DLG2: variants seen among roughly 807,000 people sequenced by gnomAD.
DLG2 encodes the protein disks large homolog 2.
Under a neutral mutation model 132.5 loss-of-function variants are expected in DLG2, and 45 were observed. That is an observed-to-expected ratio of 0.34 (90% CI 0.27 to 0.44). The LOEUF (loss-of-function observed/expected upper bound fraction) is 0.44. DLG2 is among the 20% of genes least tolerant of loss of function. The probability of loss-of-function intolerance (pLI) is 1.00; values close to 1 mark genes in which losing one functional copy is unlikely to be tolerated. For synonymous variants in DLG2, 424 were observed against 419.6 expected (o/e 1.01, Z -0.13); for missense variants, 1,045 against 1,196.9 (o/e 0.87, Z 1.87).
intron 6 of DLG2, among the ~76,000 whole-genome samples, chr11:84,681,770 G>T (rs2099730669): frequency 6.6e-6 from 1 of 151,638 alleles, no homozygotes; most frequent in Non-Finnish European, 1.5e-5. Flanking sequence ...CTCAGTGATT[G>T]TTGCTGCTCA....
intron 6 of DLG2, among the ~76,000 whole-genome samples, chr11:84,567,220 A>G (rs1408381038): frequency 6.6e-6 from 1 of 152,156 alleles, no homozygotes; most frequent in African/African-American, 2.4e-5. Flanking sequence ...GAAGGTATTG[A>G]ATGTCTGGTT....
chr11:85,194,905 G>A (rs779559013), intron 4 of DLG2, among the ~76,000 whole-genome samples: 8 of 152,160 alleles, frequency 5.3e-5, no homozygotes, highest in Non-Finnish European at 1.2e-4. Context: ...TGTAAGCATT[G>A]GGATGCAGCT....
chr11:85,191,386 C>T (rs559533741), intron 4 of DLG2, among the ~76,000 whole-genome samples: 1 of 152,074 alleles, frequency 6.6e-6, no homozygotes, highest in African/African-American at 2.4e-5. Context: ...ACACACCACA[C>T]CCCCACCAAC....
chr11:84,526,951 T>A (rs2099322893), intron 7 of DLG2, among the ~76,000 whole-genome samples: 1 of 152,128 alleles, frequency 6.6e-6, no homozygotes, highest in Non-Finnish European at 1.5e-5. Context: ...GCTAATTTTT[T>A]GTATTTTTAG....
At chr11:84,596,623 A>T (rs2099559218) in intron 6 of DLG2, among the ~76,000 whole-genome samples, 1 of 152,040 alleles carries the variant, frequency 6.6e-6, no homozygotes, top group South Asian at 2.1e-4. Flanking sequence ...CTCTAGATGG[A>T]CTATGCAGCA....
intron 22 of DLG2, among the ~76,000 whole-genome samples, chr11:83,473,468 C>T (rs2092302519): frequency 6.6e-6 from 1 of 152,116 alleles, no homozygotes; most frequent in Non-Finnish European, 1.5e-5. Context: ...TCAGGGTGGA[C>T]CTCAAGTCAA....
At chr11:84,456,581 A>C (rs1014452873) in intron 7 of DLG2, among the ~76,000 whole-genome samples, 1 of 151,280 alleles carries the variant, frequency 6.6e-6, no homozygotes, top group African/African-American at 2.4e-5. Context: ...CTCAGGTCTC[A>C]TTCTTTGCTC....
At chr11:84,203,808 G>C (rs1372512606) in intron 8 of DLG2, among the ~76,000 whole-genome samples, 1 of 152,102 alleles carries the variant, frequency 6.6e-6, no homozygotes, top group Admixed American at 6.6e-5. Context: ...AATGCCTCAG[G>C]AAGAACAGCT....
chr11:85,173,701 C>T (rs779840763), intron 4 of DLG2, among the ~76,000 whole-genome samples: 3 of 151,970 alleles, frequency 2.0e-5, no homozygotes, highest in Non-Finnish European at 2.9e-5. Flanking sequence ...GAGTCAAGAC[C>T]CATTGGCGTG....
intron 6 of DLG2, among the ~76,000 whole-genome samples, chr11:84,586,401 C>T (rs1367662477): frequency 6.6e-6 from 1 of 152,020 alleles, no homozygotes; most frequent in Non-Finnish European, 1.5e-5. Flanking sequence ...TTTTATTTAG[C>T]ATTTGCCTAG....
At chr11:83,903,553 T>C (rs2074010958) in intron 15 of DLG2, among the ~76,000 whole-genome samples, 1 of 152,182 alleles carries the variant, frequency 6.6e-6, no homozygotes, top group Non-Finnish European at 1.5e-5. Flanking sequence ...TTGAAATTTA[T>C]TGTAAACCTT....
chr11:85,400,542 A>T (rs2087955180), intron 3 of DLG2, among the ~76,000 whole-genome samples: 1 of 149,556 alleles, frequency 6.7e-6, no homozygotes, highest in Admixed American at 6.7e-5. Flanking sequence ...CAAATGTCCG[A>T]CAATGATAGA....
intron 6 of DLG2, among the ~76,000 whole-genome samples, chr11:84,972,483 T>C (rs1220444366): frequency 6.6e-6 from 1 of 152,228 alleles, no homozygotes. Flanking sequence ...TTCTTTGCTT[T>C]GTGGTAATTT....
At chr11:83,726,747 GAAAACAAAC>G (rs987981635) in intron 18 of DLG2, among the ~76,000 whole-genome samples, 4 of 135,802 alleles carry the variant, frequency 2.9e-5, no homozygotes, top group Non-Finnish European at 4.7e-5. Flanking sequence ...AGATCTGCCT[GAAAACAAAC>G]AAACAAACAA....
chr11:83,560,786 C>A (rs1186529515), intron 19 of DLG2, among the ~76,000 whole-genome samples: 5 of 152,070 alleles, frequency 3.3e-5, no homozygotes, highest in African/African-American at 1.2e-4. Flanking sequence ...TATTTCCCAC[C>A]AATAAAACAG....
intron 7 of DLG2, among the ~76,000 whole-genome samples, chr11:84,295,553 G>A (rs1315604735): frequency 6.6e-6 from 1 of 152,128 alleles, no homozygotes; most frequent in Non-Finnish European, 1.5e-5. Context: ...ATCAATCGGA[G>A]CTGACACAGT....
chr11:85,178,984 A>G (rs1198258348), intron 4 of DLG2, among the ~76,000 whole-genome samples: 2 of 151,940 alleles, frequency 1.3e-5, no homozygotes, highest in Non-Finnish European at 2.9e-5. Context: ...GATTTCAAAA[A>G]GAGATGAGTC....
rs147396939 is a variant in DLG2, at chr11:85,147,351, G to C, written c.282+7205C>G. ...AAGCCATCCTAATGAGCGTGAAGTG[G>C]TTTCTCATTGTAGTTTTGATTTGCA... is the stretch of plus-strand genomic sequence containing the variant. On this transcript the variant is annotated intron_variant, in intron 5 of 27. Transcript: ENST00000376104. Among the ~76,000 whole-genome samples, 506 of 152,202 alleles carry C rather than the reference G, an allele frequency of 3.3e-3. 3 individuals are homozygous for C. Among genetic ancestry groups the C allele is most frequent in the African/African-American group, 0.011 (458 of 41,538 alleles).
chr11:84,400,133 T>C (rs573666738), intron 7 of DLG2, among the ~76,000 whole-genome samples: 4 of 152,280 alleles, frequency 2.6e-5, no homozygotes, highest in African/African-American at 7.2e-5. Flanking sequence ...GGCAGGAAAT[T>C]TAAATGTAAA....
Sources: allele counts gnomAD v4.1 joint callset (sites outside exome capture counted in the v4.1 genomes callset), GRCh38; gene constraint gnomAD v4.1.1; transcripts MANE v1.5; gene names NCBI Gene and HGNC (gene_info 2026-07-23, HGNC 2026-07-21).